The following ADGRG7 variants were observed in gnomAD, a reference collection of about 807,000 sequenced individuals.
ADGRG7 encodes adhesion G protein-coupled receptor G7, also known as G-protein coupled receptor 128.
Under a neutral mutation model 88.6 loss-of-function variants are expected in ADGRG7, and 82 were observed. The ratio of observed to expected loss-of-function variants is 0.93; its 90% CI spans 0.77 to 1.11. The LOEUF is 1.11. Among genes scored for constraint, ADGRG7 ranks in the 50% most tolerant of loss-of-function variants. The probability of loss-of-function intolerance (pLI) is 0.00; values close to 1 mark genes in which losing one functional copy is unlikely to be tolerated. For synonymous variants in ADGRG7, 381 were observed against 345.2 expected, an observed-to-expected ratio of 1.10 and a Z score of -1.15; for missense variants, 945 against 953.4, an observed-to-expected ratio of 0.99 and a Z score of 0.12.
At chr3:100,693,839 A>G (rs1182871642) in intron 15 of ADGRG7, among the ~76,000 whole-genome samples, 1 of 152,234 alleles carries the variant, frequency 6.6e-6, no homozygotes, top group African/African-American at 2.4e-5. Context: ...ATGCTATTTC[A>G]TCTGTCATTT....
At chr3:100,630,858 G>A in intron 3 of ADGRG7, 49 bp downstream of exon 3, 1 of 1,011,006 alleles carries the variant, frequency 9.9e-7, no homozygotes, top group South Asian at 2.0e-5. Flanking sequence ...TTACTATGCT[G>A]AGTCATACCT....
chr3:100,666,668 C>A (rs891378672), intron 14 of ADGRG7, among the ~76,000 whole-genome samples: 1 of 152,176 alleles, frequency 6.6e-6, no homozygotes, highest in Non-Finnish European at 1.5e-5. Flanking sequence ...TTATACTAAT[C>A]CTCCTCAGCA....
rs537541756 is a variant in ADGRG7, at chr3:100,672,737, A to G, written c.2136+3632A>G. On this transcript the variant is annotated intron_variant, in intron 15 of 15. Coordinates refer to ENST00000273352, the MANE Select transcript of ADGRG7 (RefSeq NM_032787.3). ...TTATTTTGAGATGTGTTTCATCAAT[A>G]CCTAGTTTATTGAGAAGTTTTAGCA... Among the ~76,000 whole-genome samples the G allele has an allele frequency of 2.0e-5, 3 of 152,226 alleles. No individual in the cohort carries two copies. The East Asian group carries it at 5.8e-4, about 29-fold the overall frequency.
Position 100,683,667 on chromosome 3 carries a change from T to G in ADGRG7, c.2137-11077T>G, listed in dbSNP as rs141717879. ...GTCGGTAGCTAAGCCAAGCACAGCC[T>G]GCCAGACCGAGTAGGAGGAATGAGC... is the stretch of plus-strand genomic sequence containing the variant. On this transcript the variant is annotated intron_variant, in intron 15 of 15. Transcript: ENST00000273352. 5.6e-4 allele frequency among the ~76,000 whole-genome samples: 86 copies of G among 152,318 alleles called. 4 individuals are homozygous for G. In the East Asian group the frequency reaches 9.3e-3, roughly 16 times the overall value.
At chr3:100,685,260 C>A (rs2094980126) in intron 15 of ADGRG7, among the ~76,000 whole-genome samples, 1 of 152,140 alleles carries the variant, frequency 6.6e-6, no homozygotes, top group African/African-American at 2.4e-5. Context: ...GCATTTAATT[C>A]TTGGCAATGA....
chr3:100,631,794 GA>G (rs1707461657), intron 3 of ADGRG7, among the ~76,000 whole-genome samples: 1 of 152,018 alleles, frequency 6.6e-6, no homozygotes, highest in Admixed American at 6.6e-5. Flanking sequence ...ATTATTATGA[GA>G]AATTATGCAT....
chr3:100,657,678 G>A (rs1300533920), intron 13 of ADGRG7, among the ~76,000 whole-genome samples: 1 of 152,158 alleles, frequency 6.6e-6, no homozygotes, highest in Non-Finnish European at 1.5e-5. Flanking sequence ...CAGTTATAAT[G>A]CTCTGCAGAC....
rs944991027 is a variant in ADGRG7, at chr3:100,647,668, T to G, written c.1266+944T>G. The stretch of plus-strand genomic sequence containing the variant: ...CCTTTGTAAGAAGAGGGGCTTCTTC[T>G]GTATGTTCTATTTCCAGAAATCTAT... On this transcript the variant is annotated intron_variant, in intron 10 of 15. Transcript: ENST00000273352. Among the ~76,000 whole-genome samples, 6 of 151,802 alleles carry G rather than the reference T, an allele frequency of 4.0e-5. No homozygotes were observed. In the East Asian group the frequency reaches 1.2e-3, roughly 30 times the overall value.
At chr3:100,663,169 T>C (rs191862809) in intron 14 of ADGRG7, among the ~76,000 whole-genome samples, 1 of 152,184 alleles carries the variant, frequency 6.6e-6, no homozygotes, top group East Asian at 1.9e-4. Flanking sequence ...CAGGTCAATA[T>C]TATCTGACAT....
chr3:100,654,144 C>G (rs1006687162), intron 11 of ADGRG7: 1 of 152,258 alleles, frequency 6.6e-6, no homozygotes, highest in Non-Finnish European at 1.5e-5. Flanking sequence ...AGCTCCACCC[C>G]GTTCTCCCAG....
intron 15 of ADGRG7, among the ~76,000 whole-genome samples, chr3:100,673,484 C>A (rs568232244): frequency 4.3e-5 from 6 of 140,222 alleles, no homozygotes; most frequent in Non-Finnish European, 9.2e-5. Context: ...TTTTTTTTGA[C>A]AGAGTCTCGG....
chr3:100,648,967 A>T (rs998045546), intron 10 of ADGRG7, among the ~76,000 whole-genome samples: 5 of 152,184 alleles, frequency 3.3e-5, no homozygotes, highest in African/African-American at 1.2e-4. Context: ...TATTACATAA[A>T]AATAAGGCTT....
chr3:100,645,535 G>A (rs1707728906), intron 8 of ADGRG7, among the ~76,000 whole-genome samples: 1 of 152,208 alleles, frequency 6.6e-6, no homozygotes, highest in Non-Finnish European at 1.5e-5. Context: ...CCCAAGCTTT[G>A]CTATTTCCTG....
At chr3:100,640,153 C>A (rs1357202286) in intron 6 of ADGRG7, among the ~76,000 whole-genome samples, 1 of 152,190 alleles carries the variant, frequency 6.6e-6, no homozygotes, top group Non-Finnish European at 1.5e-5. Context: ...TCTTGATGAG[C>A]TTCCAACAGA....
intron 15 of ADGRG7, among the ~76,000 whole-genome samples, chr3:100,679,407 A>G (rs1174616561): frequency 6.6e-6 from 1 of 152,204 alleles, no homozygotes; most frequent in African/African-American, 2.4e-5. Context: ...GAGGCCTGGA[A>G]TCAGAGACCC....
chr3:100,627,408 A>C (rs1174971076), intron 1 of ADGRG7, among the ~76,000 whole-genome samples: 1 of 152,194 alleles, frequency 6.6e-6, no homozygotes. Context: ...CCCTGGGATA[A>C]ATCTCACTTG....
At chr3:100,624,895 A>G (rs139882985) in intron 1 of ADGRG7, among the ~76,000 whole-genome samples, 1,133 of 152,134 alleles carry the variant, frequency 7.4e-3, no homozygotes, top group Admixed American at 0.013. Context: ...ATTGGTTTAT[A>G]TATCTGTTTT....
At chr3:100,692,021 C>T (rs75748363) in intron 15 of ADGRG7, among the ~76,000 whole-genome samples, 2,012 of 152,242 alleles carry the variant, frequency 0.013, 28 homozygotes, top group Non-Finnish European at 0.02. Flanking sequence ...TTGCTAAGAA[C>T]GGTAACTACA....
chr3:100,665,569 A>G (rs1053488620), intron 14 of ADGRG7: 1 of 375,946 alleles, frequency 2.7e-6, no homozygotes, highest in Non-Finnish European at 5.2e-6. Flanking sequence ...GATCAAGGTT[A>G]AGTATCATTC....
Sources: allele counts gnomAD v4.1 joint callset (sites outside exome capture counted in the v4.1 genomes callset), GRCh38; gene constraint gnomAD v4.1.1; transcripts MANE v1.5; gene names NCBI Gene and HGNC (gene_info 2026-07-23, HGNC 2026-07-21).